Variants in SHISA9 observed in about 807,000 individuals in gnomAD.
SHISA9 encodes protein shisa-9.
A neutral mutation model predicts 38.0 loss-of-function variants in SHISA9; 13 were observed. That is an observed-to-expected ratio of 0.34 (90% CI 0.22 to 0.54). The LOEUF is 0.54. Among genes scored for constraint, SHISA9 ranks in the 20% least tolerant of loss-of-function variants. The pLI, the probability that SHISA9 is intolerant of heterozygous loss-of-function variation, is 0.91. For missense variants in SHISA9, 538 were observed against 575.8 expected, an observed-to-expected ratio of 0.93 and a Z score of 0.67; for synonymous variants, 275 against 242.0, an observed-to-expected ratio of 1.14 and a Z score of -1.27.
intron 2 of SHISA9, among the ~76,000 whole-genome samples, chr16:12,976,800 C>A (rs866938622): frequency 1.6e-4 from 24 of 151,958 alleles, no homozygotes; most frequent in African/African-American, 4.6e-4. Flanking sequence ...TGTGGCTTTG[C>A]CTGGAATGTC....
At chr16:13,181,230 A>G in intron 2 of SHISA9, among the ~76,000 whole-genome samples, 1 of 143,668 alleles carries the variant, frequency 7.0e-6, no homozygotes. Flanking sequence ...TTTATATGGG[A>G]GATTAGGCCC....
intron 2 of SHISA9, among the ~76,000 whole-genome samples, chr16:13,119,375 T>C (rs1463895319): frequency 6.6e-6 from 1 of 152,202 alleles, no homozygotes; most frequent in African/African-American, 2.4e-5. Context: ...CAGTATGACA[T>C]AGGAATAAGG....
At chr16:13,125,515 A>C (rs2050249022) in intron 2 of SHISA9, among the ~76,000 whole-genome samples, 1 of 152,200 alleles carries the variant, frequency 6.6e-6, no homozygotes, top group African/African-American at 2.4e-5. Flanking sequence ...GATGGCTTAC[A>C]GTCATGAATT....
chr16:13,189,732 A>T (rs940035318), intron 2 of SHISA9, among the ~76,000 whole-genome samples: 1 of 152,246 alleles, frequency 6.6e-6, no homozygotes, highest in Non-Finnish European at 1.5e-5. Context: ...AGAGGATTTT[A>T]CAGAAGAAAA....
At chr16:13,294,631 G>A in the SHISA9 span, among the ~76,000 whole-genome samples, 1 of 152,156 alleles carries the variant, frequency 6.6e-6, no homozygotes, top group Non-Finnish European at 1.5e-5. Context: ...CAGGATATTT[G>A]CAGCTGTGAG....
chr16:13,558,989 G>C, the SHISA9 span, among the ~76,000 whole-genome samples: 1 of 152,140 alleles, frequency 6.6e-6, no homozygotes, highest in Admixed American at 6.5e-5. Flanking sequence ...CAGAGTCTGG[G>C]AATAATGAAG....
chr16:13,081,224 G>T (rs901306892), intron 2 of SHISA9, among the ~76,000 whole-genome samples: 1 of 152,136 alleles, frequency 6.6e-6, no homozygotes, highest in Admixed American at 6.5e-5. Context: ...TTTCCAAAAC[G>T]CAGGCATTCT....
chr16:13,230,881 G>A (rs551930176), intron 4 of SHISA9, among the ~76,000 whole-genome samples: 1 of 152,270 alleles, frequency 6.6e-6, no homozygotes, highest in East Asian at 1.9e-4. Context: ...CATGGCATTT[G>A]TAAACTGTCA....
chr16:13,524,647 C>A, the SHISA9 span, among the ~76,000 whole-genome samples: 1 of 152,176 alleles, frequency 6.6e-6, no homozygotes, highest in Admixed American at 6.5e-5. Context: ...CGGCCTCAAA[C>A]TCCTGGGCTC....
At chr16:12,947,610 A>G (rs2071704100) in intron 2 of SHISA9, among the ~76,000 whole-genome samples, 1 of 152,230 alleles carries the variant, frequency 6.6e-6, no homozygotes, top group Non-Finnish European at 1.5e-5. Context: ...TAACAGGGAC[A>G]TCGGGACAGC....
chr16:13,530,291 A>T, the SHISA9 span, among the ~76,000 whole-genome samples: 4 of 152,154 alleles, frequency 2.6e-5, no homozygotes, highest in East Asian at 7.7e-4. Flanking sequence ...ACAGAGTGAG[A>T]CTCCGTCTCA....
At chr16:13,165,201 A>C (rs2050625552) in intron 2 of SHISA9, among the ~76,000 whole-genome samples, 1 of 152,046 alleles carries the variant, frequency 6.6e-6, no homozygotes, top group Non-Finnish European at 1.5e-5. Context: ...TCTCTCCCCT[A>C]GGAACACTGA....
the SHISA9 span, among the ~76,000 whole-genome samples, chr16:13,257,685 G>A: frequency 6.6e-6 from 1 of 152,150 alleles, no homozygotes; most frequent in Admixed American, 6.6e-5. Flanking sequence ...TGTTGCCATG[G>A]CTATATGAGT....
At chr16:13,030,714 G>A (rs986269943) in intron 2 of SHISA9, among the ~76,000 whole-genome samples, 2 of 152,128 alleles carry the variant, frequency 1.3e-5, no homozygotes, top group African/African-American at 2.4e-5. Flanking sequence ...AGGCACTAAC[G>A]GGCAGCTCTT....
At chr16:13,450,388 C>G in the SHISA9 span, among the ~76,000 whole-genome samples, 66,923 of 151,912 alleles carry the variant, frequency 0.44, 15,635 homozygotes, top group African/African-American at 0.56. Flanking sequence ...GGTCTCCCAT[C>G]TCCCACTGAT....
At chr16:13,473,737 C>T in the SHISA9 span, among the ~76,000 whole-genome samples, 3 of 152,104 alleles carry the variant, frequency 2.0e-5, no homozygotes, top group Admixed American at 1.3e-4. Flanking sequence ...AAGCAATTTT[C>T]CTCAGCTAAG....
chr16:13,392,117 C>T, the SHISA9 span, among the ~76,000 whole-genome samples: 2 of 152,250 alleles, frequency 1.3e-5, no homozygotes, highest in African/African-American at 4.8e-5. Flanking sequence ...ATCTTCACCC[C>T]TGGGAGTAAA....
chr16:13,007,816 C>G (rs191073753), intron 2 of SHISA9, among the ~76,000 whole-genome samples: 39 of 151,810 alleles, frequency 2.6e-4, no homozygotes, highest in East Asian at 9.8e-4. Context: ...CCTCACACCC[C>G]TCTTGTGCCC....
At chr16:13,051,177 C>T (rs1239338800) in intron 2 of SHISA9, among the ~76,000 whole-genome samples, 1 of 152,196 alleles carries the variant, frequency 6.6e-6, no homozygotes, top group Non-Finnish European at 1.5e-5. Flanking sequence ...GTTGAATGGA[C>T]TCACAGTTCC....
Sources: gnomAD v4.1 joint callset for allele counts (sites outside exome capture counted in the v4.1 genomes callset) on GRCh38, gnomAD v4.1.1 for gene constraint, MANE v1.5 for transcripts, NCBI Gene and HGNC (gene_info 2026-07-23, HGNC 2026-07-21) for gene names.